The following TXNRD1 variants were observed in gnomAD, a reference collection of about 807,000 sequenced individuals.
The protein encoded by TXNRD1 is thioredoxin reductase 1, cytoplasmic.
Under a neutral mutation model 80.3 loss-of-function variants are expected in TXNRD1, and 57 were observed. The observed-to-expected ratio is 0.71, with a 90% CI of 0.57 to 0.89. TXNRD1 has a LOEUF of 0.89. TXNRD1 is among the 40% of genes least tolerant of loss of function. The pLI is 0.00. For synonymous variants in TXNRD1, 291 were observed against 285.2 expected (o/e 1.02, Z -0.20); for missense variants, 730 against 803.0 (o/e 0.91, Z 1.10).
chr12:104,315,345 TA>T (rs2035287761), intron 6 of TXNRD1, among the ~76,000 whole-genome samples: 1 of 152,202 alleles, frequency 6.6e-6, no homozygotes, highest in Non-Finnish European at 1.5e-5. Flanking sequence ...TATTTTATAA[TA>T]AAGTGTTGAA....
intron 15 of TXNRD1, among the ~76,000 whole-genome samples, 165 bp from the exon 16 acceptor site, chr12:104,338,974 C>T (rs1414991096): frequency 2.6e-5 from 4 of 152,100 alleles, no homozygotes; most frequent in Admixed American, 2.6e-4. Flanking sequence ...CCTCGGCCTC[C>T]CAAAGTGCTG....
At chr12:104,335,489 C>T (rs4964781) in intron 15 of TXNRD1, among the ~76,000 whole-genome samples, 127,118 of 152,132 alleles carry the variant, frequency 0.84, 53,220 homozygotes, top group Non-Finnish European at 0.86. Flanking sequence ...TGTGAGCCAC[C>T]GCGCCCGGCC....
intron 1 of TXNRD1, 31 bp from the exon 2 acceptor site, chr12:104,251,496 T>G: frequency 6.2e-7 from 1 of 1,605,966 alleles, no homozygotes; most frequent in Non-Finnish European, 8.5e-7. Flanking sequence ...TCCTTTGTGA[T>G]AATTACCATC....
intron 13 of TXNRD1, 28 bp downstream of exon 13, chr12:104,327,699 A>G (rs371231635): frequency 1.8e-4 from 290 of 1,609,898 alleles, no homozygotes; most frequent in Non-Finnish European, 2.4e-4. Flanking sequence ...TGCCCATTAG[A>G]TACTGTTGTC....
chr12:104,336,489 G>A (rs531999786), intron 15 of TXNRD1, among the ~76,000 whole-genome samples: 1 of 152,184 alleles, frequency 6.6e-6, no homozygotes, highest in Non-Finnish European at 1.5e-5. Context: ...CTTGACTTCA[G>A]TGTCTAAATG....
At chr12:104,256,791 A>AG (rs1491502279) in intron 2 of TXNRD1, among the ~76,000 whole-genome samples, 1 of 119,758 alleles carries the variant, frequency 8.4e-6, no homozygotes, top group Non-Finnish European at 1.7e-5. Flanking sequence ...AAAAAAAAAA[A>AG]GAAAAAGAAA....
chr12:104,225,927 C>T (rs1215581862), intron 1 of TXNRD1, among the ~76,000 whole-genome samples: 1 of 152,086 alleles, frequency 6.6e-6, no homozygotes, highest in Admixed American at 6.6e-5. Context: ...ATGCCGGGCA[C>T]AGTGTCTCAC....
intron 13 of TXNRD1, among the ~76,000 whole-genome samples, chr12:104,328,758 C>CAAAA (rs33918583): frequency 1.1e-5 from 1 of 92,798 alleles, no homozygotes; most frequent in Non-Finnish European, 2.1e-5. Flanking sequence ...GACTCTGCCT[C>CAAAA]AAAAAAAAAA....
chr12:104,258,266 T>G, intron 3 of TXNRD1, 187 bp downstream of exon 3: 1 of 531,164 alleles, frequency 1.9e-6, no homozygotes, highest in South Asian at 2.6e-5. Flanking sequence ...CTTTAGCCTT[T>G]ACCTAGTGTA....
chr12:104,257,810 C>T (rs759514206), intron 2 of TXNRD1, among the ~76,000 whole-genome samples: 2 of 152,116 alleles, frequency 1.3e-5, no homozygotes, highest in Non-Finnish European at 2.9e-5. Context: ...GAATCATTGA[C>T]AATTGAATAG....
At chr12:104,267,135 T>C (rs12303195) in intron 3 of TXNRD1, among the ~76,000 whole-genome samples, 98,247 of 144,870 alleles carry the variant, frequency 0.68, 33,531 homozygotes, top group East Asian at 0.85. Context: ...CACTGCACTC[T>C]AGCCTGGGCA....
intron 9 of TXNRD1, among the ~76,000 whole-genome samples, chr12:104,320,083 A>G (rs927410653): frequency 2.0e-5 from 3 of 152,218 alleles, no homozygotes; most frequent in African/African-American, 7.2e-5. Flanking sequence ...GAATGGTTGC[A>G]GTGTCAGTGT....
intron 10 of TXNRD1, among the ~76,000 whole-genome samples, chr12:104,322,957 G>T (rs1169529301): frequency 2.2e-5 from 3 of 137,148 alleles, no homozygotes; most frequent in African/African-American, 8.4e-5. Context: ...GCGGCCTTCC[G>T]CGGTGTTTGT....
chr12:104,289,402 G>T, intron 4 of TXNRD1: 1 of 172,278 alleles, frequency 5.8e-6, no homozygotes, highest in Non-Finnish European at 1.3e-5. Context: ...TGAGAAAAGG[G>T]GATCAGGAAA....
intron 1 of TXNRD1, among the ~76,000 whole-genome samples, chr12:104,221,518 A>AT (rs1400313798): frequency 8.6e-5 from 13 of 151,978 alleles, no homozygotes; most frequent in Non-Finnish European, 1.9e-4. Context: ...GGGTTTCTCC[A>AT]TGTTGGTCAG....
chr12:104,339,959 C>T (rs957520599), intron 16 of TXNRD1, among the ~76,000 whole-genome samples: 2 of 152,248 alleles, frequency 1.3e-5, no homozygotes, highest in South Asian at 2.1e-4. Context: ...CACACACACA[C>T]ATATGCACAT....
chr12:104,339,997 A>G (rs1271444187), intron 16 of TXNRD1, among the ~76,000 whole-genome samples: 2 of 152,238 alleles, frequency 1.3e-5, no homozygotes, highest in Non-Finnish European at 2.9e-5. Context: ...CAGCAGCTCC[A>G]TGACTGGTTG....
At chr12:104,243,441 G>A (rs983011098) in intron 1 of TXNRD1, among the ~76,000 whole-genome samples, 21 of 152,232 alleles carry the variant, frequency 1.4e-4, no homozygotes, top group Middle Eastern at 6.8e-3. Flanking sequence ...GTCTCTTATG[G>A]AGTAACTTCT....
Position 104,327,390 on chromosome 12 carries a change from A to G in TXNRD1, c.1386-125A>G, listed in dbSNP as rs1024959848. The G allele has an allele frequency of 4.6e-6, 4 of 860,744 alleles. No homozygotes were observed. In the Admixed American group the frequency reaches 1.2e-4, roughly 26 times the overall value. 53.3% of individuals were successfully genotyped at this position (860,744 alleles called of 1,614,324 possible). On this transcript the variant is annotated intron_variant, in intron 12 of 16. Coordinates refer to ENST00000525566, the MANE Select transcript of TXNRD1 (RefSeq NM_001093771.3). ...CTTTGAGCTGTTTTGTTTTATTTTT[A>G]ACACATTAGAACATTGCCCTCAGCT...
Sources: allele counts gnomAD v4.1 joint callset (sites outside exome capture counted in the v4.1 genomes callset), GRCh38; gene constraint gnomAD v4.1.1; transcripts MANE v1.5; gene names NCBI Gene and HGNC (gene_info 2026-07-23, HGNC 2026-07-21).